Variants in PRDM16 observed in about 807,000 individuals in gnomAD.
PRDM16 encodes histone-lysine N-methyltransferase PRDM16.
A neutral mutation model predicts 110.6 loss-of-function variants in PRDM16; 23 were observed. The ratio of observed to expected loss-of-function variants is 0.21; its 90% confidence interval spans 0.15 to 0.29. PRDM16 has a LOEUF of 0.29. Ranked by LOEUF, PRDM16 falls within the 10% of genes least tolerant of loss-of-function variation. The probability of loss-of-function intolerance (pLI) is 1.00; values close to 1 mark genes in which losing one functional copy is unlikely to be tolerated. For synonymous variants in PRDM16, 799 were observed against 781.8 expected (o/e 1.02, Z -0.37); for missense variants, 1,615 against 1,794.3 (o/e 0.90, Z 1.81).
In PRDM16 at chr1:3,407,574, G is replaced by A. The variant is rs542642934; in HGVS notation, c.1186+1926G>A. ...CAGGTCAAGTGACTCCAGTGAGAGC[G>A]GCACCAGTTGGTGCCTCAGATGACA... On this transcript the variant is annotated intron_variant, in intron 8 of 16. Coordinates refer to ENST00000270722, the MANE Select transcript of PRDM16 (RefSeq NM_022114.4). 1.6e-4 allele frequency among the ~76,000 whole-genome samples: 25 copies of A among 152,318 alleles called. No homozygotes were observed. In the South Asian group the frequency reaches 3.9e-3, roughly 24 times the overall value.
At chr1:3,304,068 C>G (rs918509879) in intron 3 of PRDM16, among the ~76,000 whole-genome samples, 1 of 143,196 alleles carries the variant, frequency 7.0e-6, no homozygotes, top group Non-Finnish European at 1.5e-5. Flanking sequence ...GTGCAGGAGG[C>G]TGTGGGCTCT....
chr1:3,166,265 C>G (rs999469938), intron 1 of PRDM16, among the ~76,000 whole-genome samples: 3 of 152,260 alleles, frequency 2.0e-5, no homozygotes, highest in Non-Finnish European at 4.4e-5. Flanking sequence ...GAGCTTTGCT[C>G]AAACACGGGG....
intron 10 of PRDM16, among the ~76,000 whole-genome samples, chr1:3,417,168 C>T (rs1374656139): frequency 6.6e-6 from 1 of 152,210 alleles, no homozygotes; most frequent in Non-Finnish European, 1.5e-5. Flanking sequence ...GCTCCTGTTG[C>T]CCATATCAAA....
At chr1:3,420,102 T>C (rs1312153661) in intron 12 of PRDM16, among the ~76,000 whole-genome samples, 2 of 152,194 alleles carry the variant, frequency 1.3e-5, no homozygotes, top group Admixed American at 6.5e-5. Context: ...GTGGTGTTTA[T>C]AGAAGAATTT....
At chr1:3,160,672 T>C (rs76645787) in intron 1 of PRDM16, among the ~76,000 whole-genome samples, 3,983 of 152,272 alleles carry the variant, frequency 0.026, 134 homozygotes, top group East Asian at 0.11. Flanking sequence ...GAACCCCGTC[T>C]GGGGCTGACA....
In PRDM16 at chr1:3,390,248, G is replaced by A. The variant is rs1643276014; in HGVS notation, c.573+4962G>A. ...CATGTTGCCTCAATAGGGCAAGAATGTTGGTGGTGGGATGTCAACTGTCTA... is the reference window on the plus strand; with the variant it reads ...CATGTTGCCTCAATAGGGCAAGAATATTGGTGGTGGGATGTCAACTGTCTA... On this transcript the variant is annotated intron_variant, in intron 4 of 16. Coordinates refer to ENST00000270722, the MANE Select transcript of PRDM16 (RefSeq NM_022114.4). The surrounding 1 kb of genome is among the most constrained non-coding windows in gnomAD (Gnocchi z 5.0). 6.6e-6 allele frequency among the ~76,000 whole-genome samples: 1 copy of A among 152,218 alleles called. No individual in the cohort carries two copies. The highest frequency in any genetic ancestry group is 1.5e-5 in the Non-Finnish European group (1 of 68,034).
chr1:3,367,370 C>T (rs560075435), intron 3 of PRDM16, among the ~76,000 whole-genome samples: 1 of 152,204 alleles, frequency 6.6e-6, no homozygotes, highest in Admixed American at 6.5e-5. Flanking sequence ...GGACAGGAAG[C>T]GTGTGCGGGT....
At chr1:3,167,001 A>C (rs747190615) in intron 1 of PRDM16, among the ~76,000 whole-genome samples, 13 of 152,148 alleles carry the variant, frequency 8.5e-5, no homozygotes, top group Non-Finnish European at 1.9e-4. Flanking sequence ...GTAAGGCTGA[A>C]CACGCACCCT....
chr1:3,186,627 A>G lies in PRDM16; in HGVS notation c.387+153A>G, dbSNP rs1569799879. The G allele has an allele frequency of 2.1e-5, 12 of 582,232 alleles. No homozygotes were observed. In the South Asian group the frequency reaches 2.9e-4, roughly 14 times the overall value. 36.1% of individuals were successfully genotyped at this position (582,232 alleles called of 1,614,324 possible). On this transcript the variant is annotated intron_variant, in intron 2 of 16. Transcript: ENST00000270722. Reference sequence around the variant, plus strand: ...CATTTCCCAGCCTATTTTATCCTGCAGCTCGCCTGATGCGACTCAGAAAGC... The same window carrying G: ...CATTTCCCAGCCTATTTTATCCTGCGGCTCGCCTGATGCGACTCAGAAAGC...
At chr1:3,252,167 T>C (rs59630628) in intron 3 of PRDM16, among the ~76,000 whole-genome samples, 2,059 of 152,346 alleles carry the variant, frequency 0.014, 44 homozygotes, top group African/African-American at 0.047. Flanking sequence ...CCCCTCTTCC[T>C]GAGCCCTATC....
chr1:3,258,084 A>G (rs1640087374), intron 3 of PRDM16, among the ~76,000 whole-genome samples: 1 of 152,180 alleles, frequency 6.6e-6, no homozygotes, highest in Non-Finnish European at 1.5e-5. Context: ...TTGGTGCCCC[A>G]GTTCCCTGGG....
rs74050139 is a variant in PRDM16 at position 3,159,119 on chromosome 1, G to A, written c.38-27006G>A. Among the ~76,000 whole-genome samples, 330 of 152,274 alleles carry A rather than the reference G, an allele frequency of 2.2e-3. 1 individual carries two copies. The highest frequency in any genetic ancestry group is 7.5e-3 in the African/African-American group (312 of 41,540). On this transcript the variant is annotated intron_variant, in intron 1 of 16. Transcript: ENST00000270722. Reference sequence around the variant, plus strand: ...AAAGTGAGCCCCTGATCGGTATTCCGCCAGGGACAGCCTTGAGACCTTGGG... The same window carrying A: ...AAAGTGAGCCCCTGATCGGTATTCCACCAGGGACAGCCTTGAGACCTTGGG...
At chr1:3,111,757 C>T (rs568038692) in intron 1 of PRDM16, among the ~76,000 whole-genome samples, 347 of 152,240 alleles carry the variant, frequency 2.3e-3, no homozygotes, top group African/African-American at 7.9e-3. Flanking sequence ...TTTTTCTTCG[C>T]GGCTGAAAAG....
intron 3 of PRDM16, among the ~76,000 whole-genome samples, chr1:3,378,273 G>C: frequency 6.6e-6 from 1 of 152,324 alleles, no homozygotes; most frequent in Non-Finnish European, 1.5e-5. Flanking sequence ...GATGCAACTT[G>C]GGCAGCCGGA....
chr1:3,259,672 G>A (rs568350171), intron 3 of PRDM16, among the ~76,000 whole-genome samples: 1 of 152,326 alleles, frequency 6.6e-6, no homozygotes, highest in Non-Finnish European at 1.5e-5. Flanking sequence ...TTGCAGCGTA[G>A]CCTGCAGCCC....
At chr1:3,275,958 G>C (rs1305806294) in intron 3 of PRDM16, among the ~76,000 whole-genome samples, 1 of 152,224 alleles carries the variant, frequency 6.6e-6, no homozygotes, top group African/African-American at 2.4e-5. Context: ...GCGCCCTGTG[G>C]GTCTGTGCAC....
intron 2 of PRDM16, among the ~76,000 whole-genome samples, chr1:3,241,985 C>T (rs997015064): frequency 2.0e-5 from 3 of 152,212 alleles, no homozygotes; most frequent in African/African-American, 7.2e-5. Context: ...GCTGACCCTG[C>T]CTGGGAGTGA....
intron 2 of PRDM16, among the ~76,000 whole-genome samples, chr1:3,222,245 C>G (rs542796660): frequency 9.9e-5 from 15 of 152,126 alleles, no homozygotes; most frequent in Middle Eastern, 3.4e-3. Context: ...CCAGCCTCCC[C>G]CAGTGAGGAG....
chr1:3,408,605 TG>T, intron 8 of PRDM16, among the ~76,000 whole-genome samples: 1 of 140,564 alleles, frequency 7.1e-6, no homozygotes, highest in East Asian at 2.0e-4. Flanking sequence ...TGTGAGCTGG[TG>T]TGTGTGTGAG....
Sources: gnomAD v4.1 joint callset for allele counts (sites outside exome capture counted in the v4.1 genomes callset) on GRCh38, gnomAD v4.1.1 for gene constraint, Gnocchi (gnomAD v3.1) non-coding constraint, MANE v1.5 for transcripts, NCBI Gene and HGNC (gene_info 2026-07-23, HGNC 2026-07-21) for gene names.